Variants in PCSK5 observed in about 807,000 individuals in gnomAD.
The protein encoded by PCSK5 is prohormone convertase 5.
A neutral mutation model predicts 233.2 loss-of-function variants in PCSK5; 129 were observed. The ratio of observed to expected loss-of-function variants is 0.55; its 90% CI spans 0.48 to 0.64. PCSK5 has a LOEUF of 0.64. Ranked by LOEUF, PCSK5 falls within the 30% of genes least tolerant of loss-of-function variation. The pLI is 0.00. For missense variants in PCSK5, 2,076 were observed against 2,430.1 expected, an observed-to-expected ratio of 0.85 and a Z score of 3.06; for synonymous variants, 825 against 879.2, an observed-to-expected ratio of 0.94 and a Z score of 1.09.
intron 9 of PCSK5, among the ~76,000 whole-genome samples, chr9:76,107,870 T>G (rs1009811458): frequency 2.0e-5 from 3 of 152,198 alleles, no homozygotes; most frequent in Non-Finnish European, 4.4e-5. Context: ...GAAAGACCCC[T>G]TTAGGCTATT....
rs377283144 is a variant in PCSK5, at chr9:76,239,116, C to T, written c.3024C>T (p.Tyr1008=). The T allele has an allele frequency of 1.8e-5, 29 of 1,601,510 alleles. 1 individual carries two copies. The African/African-American group carries it at 2.4e-4, about 13-fold the overall frequency. The change falls in exon 23 of 38, where the codon TAC becomes TAT. Residue 1008 remains tyrosine, a synonymous_variant. Coordinates refer to ENST00000674117, the MANE Select transcript of PCSK5 (RefSeq NM_001372043.1). ...VHVCTRCMKG[Y]FIAPTNHTCQ... ...TCTGCACAAGATGCATGAAGGGCTA[C>T]TTCATAGCGCCCACCAACCACACAT...
intron 1 of PCSK5, among the ~76,000 whole-genome samples, chr9:75,907,458 T>C (rs1826309601): frequency 6.6e-6 from 1 of 152,198 alleles, no homozygotes; most frequent in African/African-American, 2.4e-5. Flanking sequence ...GTCATTTGTG[T>C]GTGGATTCGA....
intron 2 of PCSK5, among the ~76,000 whole-genome samples, chr9:75,946,501 A>G (rs894132583): frequency 6.6e-5 from 10 of 152,182 alleles, no homozygotes; most frequent in African/African-American, 2.4e-4. Context: ...TTTTACTATT[A>G]GTCCATGTTG....
At chr9:76,093,340 C>T (rs1277019870) in intron 7 of PCSK5, among the ~76,000 whole-genome samples, 1 of 152,042 alleles carries the variant, frequency 6.6e-6, no homozygotes, top group East Asian at 1.9e-4. Context: ...GATGATCCTC[C>T]TGCCTTGGCC....
intron 9 of PCSK5, among the ~76,000 whole-genome samples, chr9:76,111,418 A>G (rs756484160): frequency 6.6e-6 from 1 of 152,196 alleles, no homozygotes; most frequent in Non-Finnish European, 1.5e-5. Context: ...TGCTAAAGTG[A>G]GAGATTTCCT....
rs1276916120 is a variant in PCSK5, at chr9:76,189,167, T to C, written c.2454T>C (p.Cys818=). ...AGGATGGGAGATGCGTGCAGAGCTG[T>C]AGTATCAGCTATTACTTTGACCACT... ...FMEDGRCVQS[C]SISYYFDHSS... The change falls in exon 19 of 38, where the codon TGT becomes TGC. Residue 818 remains cysteine (C), a synonymous_variant. Transcript: ENST00000674117. The C allele has an allele frequency of 1.9e-6, 3 of 1,607,418 alleles. No homozygotes were observed. The African/African-American group carries it at 4.0e-5, about 21-fold the overall frequency.
chr9:76,253,251 T>C lies in PCSK5; in HGVS notation c.3142+12567T>C, dbSNP rs557023013. 8.2e-4 allele frequency among the ~76,000 whole-genome samples: 124 copies of C among 151,362 alleles called. No individual in the cohort carries two copies. In the South Asian group the frequency reaches 0.021, roughly 25 times the overall value. ...CAGGATGCCTCTTCTTCTTCTTCTT[T>C]TTTTTTTTTTAAGGCCAAACTCAGA... On this transcript the variant is annotated intron_variant, in intron 24 of 37. Transcript: ENST00000674117.
At chr9:75,971,294 TG>T (rs546298832) in intron 2 of PCSK5, among the ~76,000 whole-genome samples, 28 of 152,240 alleles carry the variant, frequency 1.8e-4, no homozygotes, top group Non-Finnish European at 4.0e-4. Context: ...TAGTATTCCA[TG>T]GTGTATATGT....
At chr9:76,276,961 C>G (rs1173357452) in intron 24 of PCSK5, among the ~76,000 whole-genome samples, 1 of 152,122 alleles carries the variant, frequency 6.6e-6, no homozygotes, top group Non-Finnish European at 1.5e-5. Flanking sequence ...GGTGCAGTGG[C>G]TCACTCCTAT....
intron 2 of PCSK5, among the ~76,000 whole-genome samples, chr9:75,954,197 T>A (rs1418641906): frequency 6.6e-6 from 1 of 152,208 alleles, no homozygotes. Flanking sequence ...TTCCTCCTGG[T>A]AGAGTCTGTA....
chr9:76,095,896 A>C lies in PCSK5; in HGVS notation c.901A>C (p.Arg301=). 6.2e-7 allele frequency: 1 copy of C among 1,613,972 alleles called. No individual in the cohort carries two copies. Among genetic ancestry groups the C allele is most frequent in the Non-Finnish European group, 8.5e-7 (1 of 1,179,892 alleles). The change falls in exon 8 of 38, where the codon AGA becomes CGA. Residue 301 remains arginine, a synonymous_variant. Transcript: ENST00000674117. Reference sequence around the variant, plus strand: ...TTTCTCTGTTTGTGAACAGGGGCGGAGAGGCCTCGGCTCTGTGTTTGTTTG... The same window carrying C: ...TTTCTCTGTTTGTGAACAGGGGCGGCGAGGCCTCGGCTCTGTGTTTGTTTG... ...AFENGVRMGR[R]GLGSVFVWAS...
intron 3 of PCSK5, among the ~76,000 whole-genome samples, chr9:76,004,198 T>C (rs1276068147): frequency 6.6e-6 from 1 of 152,152 alleles, no homozygotes; most frequent in Non-Finnish European, 1.5e-5. Flanking sequence ...TGTTGATGAT[T>C]TTGATGAGGC....
chr9:76,199,203 A>T (rs868802821), intron 20 of PCSK5, among the ~76,000 whole-genome samples: 2 of 152,114 alleles, frequency 1.3e-5, no homozygotes, highest in Admixed American at 1.3e-4. Flanking sequence ...ATAGCCTACC[A>T]CCCACCTAAG....
At chr9:76,017,760 G>T (rs1828008394) in intron 3 of PCSK5, among the ~76,000 whole-genome samples, 1 of 152,114 alleles carries the variant, frequency 6.6e-6, no homozygotes, top group Admixed American at 6.5e-5. Flanking sequence ...ATGTGTGTGT[G>T]TGTGATAACT....
intron 30 of PCSK5, among the ~76,000 whole-genome samples, chr9:76,321,110 G>A (rs1361206430): frequency 3.8e-5 from 5 of 131,268 alleles, no homozygotes; most frequent in Admixed American, 7.3e-5. Context: ...CACCACACCC[G>A]GCCAGTTAGC....
At chr9:76,081,043 A>G (rs1169133083) in intron 7 of PCSK5, among the ~76,000 whole-genome samples, 1 of 152,206 alleles carries the variant, frequency 6.6e-6, no homozygotes, top group East Asian at 1.9e-4. Context: ...TCTAAAGTAT[A>G]TGGCATAAAC....
Position 76,130,761 on chromosome 9 carries a change from A to T in PCSK5, c.1209-3348A>T, listed in dbSNP as rs888169597. Among the ~76,000 whole-genome samples the T allele has an allele frequency of 2.6e-5, 4 of 151,840 alleles. No homozygotes were observed. The South Asian group carries it at 8.3e-4, about 32-fold the overall frequency. ...TATCTTGTAGGTGTTTATAAATGTG[A>T]CTCTCTTCATATATATTTTTGTTTA... On this transcript the variant is annotated intron_variant, in intron 9 of 37. Coordinates refer to ENST00000674117, the MANE Select transcript of PCSK5 (RefSeq NM_001372043.1).
At chr9:76,107,022 C>A (rs192681788) in intron 8 of PCSK5, among the ~76,000 whole-genome samples, 1 of 152,268 alleles carries the variant, frequency 6.6e-6, no homozygotes, top group East Asian at 1.9e-4. Flanking sequence ...CTGGTTTTGA[C>A]CCTGGTTTGA....
chr9:76,347,797 A>G (rs1356461409), intron 35 of PCSK5, among the ~76,000 whole-genome samples: 1 of 151,662 alleles, frequency 6.6e-6, no homozygotes, highest in Non-Finnish European at 1.5e-5. Flanking sequence ...AATGTAACCA[A>G]CCTTATGGTA....
Sources: gnomAD v4.1 joint callset for allele counts (sites outside exome capture counted in the v4.1 genomes callset) on GRCh38, gnomAD v4.1.1 for gene constraint, MANE v1.5 for transcripts, NCBI Gene and HGNC (gene_info 2026-07-23, HGNC 2026-07-21) for gene names.